The following GPM6B variants were observed in gnomAD, a reference collection of about 807,000 sequenced individuals.
GPM6B encodes neuronal membrane glycoprotein M6-b.
Under a neutral mutation model 27.2 loss-of-function variants are expected in GPM6B, and 4 were observed. The ratio of observed to expected loss-of-function variants is 0.15; its 90% CI spans 0.07 to 0.34. The LOEUF (loss-of-function observed/expected upper bound fraction) is 0.34, where lower values mean the gene tolerates loss of function less well. Among genes scored for constraint, GPM6B ranks in the 10% least tolerant of loss-of-function variants. The pLI, the probability that GPM6B is intolerant of heterozygous loss-of-function variation, is 1.00. For synonymous variants in GPM6B, 124 were observed against 103.1 expected (o/e 1.20, Z -1.23); for missense variants, 183 against 261.9 (o/e 0.70, Z 2.08).
chrX:13,914,004 G>C (rs978953982), intron 1 of GPM6B, among the ~76,000 whole-genome samples: 1 of 110,879 alleles, frequency 9.0e-6, no homozygotes, highest in South Asian at 3.9e-4. Context: ...TGCCCACTTC[G>C]GCCTCCCAAA....
intron 1 of GPM6B, among the ~76,000 whole-genome samples, chrX:13,931,474 T>G (rs184180291): frequency 2.8e-5 from 3 of 106,077 alleles, no homozygotes; most frequent in African/African-American, 1.0e-4. Context: ...GGCTACAGAG[T>G]GAGACTCCTT....
intron 1 of GPM6B, among the ~76,000 whole-genome samples, chrX:13,881,587 T>C (rs1383496528): frequency 1.2e-5 from 1 of 80,165 alleles, no homozygotes; most frequent in African/African-American, 4.7e-5. Flanking sequence ...AATGCTGTAA[T>C]AGAATAGCTC....
chrX:13,824,942 A>T (rs2049354476), intron 1 of GPM6B, among the ~76,000 whole-genome samples: 1 of 111,654 alleles, frequency 9.0e-6, no homozygotes, highest in Non-Finnish European at 1.9e-5. Context: ...CTAGGGGAAG[A>T]TCCTTTTTTC....
At chrX:13,831,878 G>A (rs1356407689) in intron 1 of GPM6B, among the ~76,000 whole-genome samples, 1 of 110,905 alleles carries the variant, frequency 9.0e-6, no homozygotes. Context: ...TATCTGCTTG[G>A]AGATGTATTT....
At chrX:13,890,989 A>C (rs1313802174) in intron 1 of GPM6B, among the ~76,000 whole-genome samples, 2 of 111,430 alleles carry the variant, frequency 1.8e-5, no homozygotes, top group Non-Finnish European at 3.8e-5. Context: ...CAGACCAGTT[A>C]AACCAGAATC....
At chrX:13,818,466 A>G (rs896610499), upstream of GPM6B, among the ~76,000 whole-genome samples, 1 of 112,570 alleles carries the variant, frequency 8.9e-6, no homozygotes, top group Non-Finnish European at 1.9e-5. Context: ...GTTTTAGATA[A>G]TCCCTCAAAC....
chrX:13,779,987 G>C lies in GPM6B; in HGVS notation c.528C>G (p.Phe176Leu), dbSNP rs142615107. 2.5e-6 allele frequency: 3 copies of C among 1,178,242 alleles called. No individual in the cohort carries two copies. Among genetic ancestry groups the C allele is most frequent in the Non-Finnish European group, 3.4e-6 (3 of 871,770 alleles). The stretch of plus-strand genomic sequence containing the variant: ...CTCCAAGCACATAGGTGAGGAAAAC[G>C]AACTAGGCCAAAACAAGAGGAAGGA... ...TACGRCISGM[F>L]VFLTYVLGVA... The change falls in exon 5 of 8, where the codon TTC becomes TTG. Residue 176 changes from phenylalanine (F) to leucine (L), a missense_variant and splice_region_variant. Coordinates refer to ENST00000316715, the MANE Select transcript of GPM6B (RefSeq NM_001001995.3).
chrX:13,810,490 C>T (rs190350548), intron 1 of GPM6B, among the ~76,000 whole-genome samples: 55 of 111,371 alleles, frequency 4.9e-4, no homozygotes, highest in African/African-American at 1.8e-3. Flanking sequence ...CCCTGTGGAC[C>T]AGAAATGGAC....
intron 1 of GPM6B, among the ~76,000 whole-genome samples, chrX:13,843,505 T>G (rs1222137397): frequency 8.9e-6 from 1 of 112,258 alleles, no homozygotes; most frequent in Admixed American, 9.4e-5. Context: ...ATTTAACCAT[T>G]AGAGAAACTG....
intron 1 of GPM6B, among the ~76,000 whole-genome samples, chrX:13,866,250 C>A: frequency 8.9e-6 from 1 of 112,263 alleles, no homozygotes; most frequent in Non-Finnish European, 1.9e-5. Flanking sequence ...GTAATCCCAG[C>A]TACTAGGGAG....
At chrX:13,868,912 T>C (rs1019082928) in intron 1 of GPM6B, among the ~76,000 whole-genome samples, 1 of 111,991 alleles carries the variant, frequency 8.9e-6, no homozygotes, top group Admixed American at 9.5e-5. Context: ...TAATCATGTA[T>C]ATAAGTACAC....
chrX:13,891,648 G>A (rs2050189863), intron 1 of GPM6B, among the ~76,000 whole-genome samples: 1 of 112,177 alleles, frequency 8.9e-6, no homozygotes, highest in African/African-American at 3.2e-5. Context: ...AATATTTGGT[G>A]GCAGGCTCAC....
At chrX:13,805,568 T>C (rs1199476903) in intron 2 of GPM6B, among the ~76,000 whole-genome samples, 1 of 112,375 alleles carries the variant, frequency 8.9e-6, no homozygotes, top group African/African-American at 3.2e-5. Flanking sequence ...GAGCCTCGTA[T>C]TTTTCTTCTC....
chrX:13,871,790 G>A (rs1303213664), intron 1 of GPM6B, among the ~76,000 whole-genome samples: 1 of 112,133 alleles, frequency 8.9e-6, no homozygotes, highest in Non-Finnish European at 1.9e-5. Flanking sequence ...CTGCCAAATC[G>A]GACAACACAA....
At chrX:13,806,442 T>C (rs1839343482) in intron 2 of GPM6B, among the ~76,000 whole-genome samples, 1 of 111,959 alleles carries the variant, frequency 8.9e-6, no homozygotes, top group South Asian at 3.7e-4. Context: ...CCATATTCTT[T>C]ATAGGATCCA....
Position 13,816,906 on chromosome X carries a change from C to A in GPM6B, c.-2G>T, listed in dbSNP as rs775549515. ...TGCAGTTTCCATGGCTGGCTTCATA[C>A]CATCCACCAAAAATGCTTTTCCCCC... On this transcript the variant is annotated 5_prime_UTR_variant, in exon 1 of 8. Coordinates refer to ENST00000316715, the MANE Select transcript of GPM6B (RefSeq NM_001001995.3). 1 of 1,198,198 alleles carries A rather than the reference C, an allele frequency of 8.3e-7. No homozygotes were observed. The highest frequency in any genetic ancestry group is 1.1e-6 in the Non-Finnish European group (1 of 890,628).
At chrX:13,805,824 C>T (rs1263229596) in intron 2 of GPM6B, among the ~76,000 whole-genome samples, 1 of 111,395 alleles carries the variant, frequency 9.0e-6, no homozygotes, top group Non-Finnish European at 1.9e-5. Flanking sequence ...GGCCTGATGT[C>T]ATTCAACACT....
intron 1 of GPM6B, among the ~76,000 whole-genome samples, chrX:13,833,015 T>C (rs990351201): frequency 8.9e-6 from 1 of 112,029 alleles, no homozygotes; most frequent in African/African-American, 3.2e-5. Flanking sequence ...GCCTGTAGTC[T>C]TAGCTACTCA....
Position 13,785,729 on chromosome X carries a change from C to A in GPM6B, c.261G>T (p.Gly87=), listed in dbSNP as rs148707768. Residue 87 remains glycine (G), a synonymous_variant, in exon 3 of 8, where the codon GGG becomes GGT. Coordinates refer to ENST00000316715, the MANE Select transcript of GPM6B (RefSeq NM_001001995.3). ...SLVATILCFS[G]VALFCGCGHV... ...GCCCACAGCCGCAGAATAAGGCCACCCCGGAGAAGCAGAGGATGGTGGCCA... is the reference window on the plus strand; with the variant it reads ...GCCCACAGCCGCAGAATAAGGCCACACCGGAGAAGCAGAGGATGGTGGCCA... 459 of 1,209,879 alleles carry A rather than the reference C, an allele frequency of 3.8e-4. 1 individual carries two copies. In the African/African-American group the frequency reaches 7.0e-3, roughly 18 times the overall value.
Sources: allele counts gnomAD v4.1 joint callset (sites outside exome capture counted in the v4.1 genomes callset), GRCh38; gene constraint gnomAD v4.1.1; transcripts MANE v1.5; gene names NCBI Gene and HGNC (gene_info 2026-07-23, HGNC 2026-07-21).